AP3B1: variants seen among roughly 807,000 people sequenced by gnomAD.
AP3B1 encodes the protein AP-3 complex subunit beta-1.
A neutral mutation model predicts 132.5 loss-of-function variants in AP3B1; 61 were observed. The observed-to-expected ratio is 0.46, with a 90% CI of 0.37 to 0.57. The LOEUF is 0.57. Among genes scored for constraint, AP3B1 ranks in the 20% least tolerant of loss-of-function variants. The pLI, the probability that AP3B1 is intolerant of heterozygous loss-of-function variation, is 0.00. For missense variants in AP3B1, 1,120 were observed against 1,289.4 expected (o/e 0.87, Z 2.01); for synonymous variants, 388 against 438.3 (o/e 0.89, Z 1.43).
At chr5:78,228,012 C>G in intron 4 of AP3B1, 132 bp downstream of exon 4, 1 of 580,812 alleles carries the variant, frequency 1.7e-6, no homozygotes, top group Non-Finnish European at 2.9e-6. Flanking sequence ...TGAGTAGGCA[C>G]TATAGGAGGC....
At chr5:78,184,219 C>T (rs1253500559) in intron 7 of AP3B1, among the ~76,000 whole-genome samples, 1 of 151,078 alleles carries the variant, frequency 6.6e-6, no homozygotes, top group Non-Finnish European at 1.5e-5. Context: ...GATATAAAGA[C>T]CAAATAAAAA....
chr5:78,287,138 T>C (rs1446786862), intron 1 of AP3B1, among the ~76,000 whole-genome samples: 2 of 152,240 alleles, frequency 1.3e-5, no homozygotes, highest in Admixed American at 6.5e-5. Flanking sequence ...CTTTAATCAT[T>C]CAGCTCTGGT....
intron 7 of AP3B1, among the ~76,000 whole-genome samples, chr5:78,188,978 C>T (rs942334206): frequency 1.3e-5 from 2 of 152,058 alleles, no homozygotes; most frequent in African/African-American, 4.8e-5. Context: ...AATGCAGGAA[C>T]AAAAAACCAA....
intron 21 of AP3B1, among the ~76,000 whole-genome samples, chr5:78,098,353 G>A (rs180993307): frequency 2.9e-4 from 43 of 150,866 alleles, no homozygotes; most frequent in Non-Finnish European, 4.0e-4. Context: ...CTTTTTTATA[G>A]AATGGAACTA....
At chr5:78,270,385 T>C (rs935186161) in intron 1 of AP3B1, among the ~76,000 whole-genome samples, 1 of 152,192 alleles carries the variant, frequency 6.6e-6, no homozygotes, top group African/African-American at 2.4e-5. Flanking sequence ...TTATATACCA[T>C]AGAAAGCAAC....
At chr5:78,102,384 A>C (rs1751168536) in intron 20 of AP3B1, among the ~76,000 whole-genome samples, 1 of 152,132 alleles carries the variant, frequency 6.6e-6, no homozygotes, top group Non-Finnish European at 1.5e-5. Flanking sequence ...AAAGGCACTA[A>C]TTTTATTCTT....
chr5:78,173,974 C>T (rs1248519149), intron 11 of AP3B1, among the ~76,000 whole-genome samples: 1 of 152,136 alleles, frequency 6.6e-6, no homozygotes, highest in African/African-American at 2.4e-5. Context: ...TTGATCGAAT[C>T]GGCTATTGAA....
Position 78,101,695 on chromosome 5 carries a change from C to A in AP3B1, c.2398-670G>T, listed in dbSNP as rs79538701. On this transcript the variant is annotated intron_variant, in intron 20 of 26. Coordinates refer to ENST00000255194, the MANE Select transcript of AP3B1 (RefSeq NM_003664.5). The stretch of plus-strand genomic sequence containing the variant: ...CCCAGCAGAGATTTGCTTATTCGGT[C>A]TACTGTACTTACAAAATGTATATAT... 1.8e-3 allele frequency among the ~76,000 whole-genome samples: 272 copies of A among 152,148 alleles called. 1 individual carries two copies. Among genetic ancestry groups the A allele is most frequent in the African/African-American group, 6.3e-3 (261 of 41,552 alleles).
intron 2 of AP3B1, among the ~76,000 whole-genome samples, chr5:78,260,052 G>T (rs1334611289): frequency 6.6e-6 from 1 of 151,932 alleles, no homozygotes; most frequent in Non-Finnish European, 1.5e-5. Flanking sequence ...CAATCTCATT[G>T]TCATCACATC....
intron 7 of AP3B1, among the ~76,000 whole-genome samples, chr5:78,186,268 T>A (rs543253204): frequency 3.3e-5 from 5 of 152,138 alleles, no homozygotes; most frequent in Admixed American, 3.3e-4. Flanking sequence ...TAAAGTACAC[T>A]TCAGAGCAAA....
At chr5:78,154,251 T>G (rs1414363146) in intron 14 of AP3B1, among the ~76,000 whole-genome samples, 3 of 152,194 alleles carry the variant, frequency 2.0e-5, no homozygotes, top group Admixed American at 2.0e-4. Context: ...AAAGTTGTTT[T>G]CTTTTGGCAC....
At position 78,015,396 on chromosome 5, in the gene AP3B1, G is replaced by A. The variant is rs1196854972; in HGVS notation, c.3131+14C>T. 2 of 1,613,318 alleles carry A rather than the reference G, an allele frequency of 1.2e-6. No homozygotes were observed. The highest frequency in any genetic ancestry group is 1.7e-4 in the Middle Eastern group (1 of 6,054). ...AGTCATCTTCACCTCCACATCGTGT[G>A]TTAGTGAACCTACCTGTGTATATTA... On this transcript the variant is annotated intron_variant, in intron 26 of 26. Coordinates refer to ENST00000255194, the MANE Select transcript of AP3B1 (RefSeq NM_003664.5).
At chr5:78,214,835 T>C (rs572707339) in intron 7 of AP3B1, among the ~76,000 whole-genome samples, 1 of 152,284 alleles carries the variant, frequency 6.6e-6, no homozygotes, top group East Asian at 1.9e-4. Context: ...ATTTCATCAA[T>C]TTAAGAGCAT....
intron 24 of AP3B1, among the ~76,000 whole-genome samples, chr5:78,025,816 T>C (rs976890172): frequency 2.6e-5 from 4 of 152,218 alleles, no homozygotes; most frequent in Non-Finnish European, 4.4e-5. Context: ...GTCATGCCAC[T>C]GCAGTTGGGT....
At chr5:78,111,724 C>G (rs534093472) in intron 19 of AP3B1, among the ~76,000 whole-genome samples, 160 of 152,230 alleles carry the variant, frequency 1.1e-3, no homozygotes, top group African/African-American at 3.7e-3. Flanking sequence ...AACTAAAGGT[C>G]TAGTTCTCTC....
intron 1 of AP3B1, among the ~76,000 whole-genome samples, chr5:78,275,898 T>C (rs1268088501): frequency 6.6e-6 from 1 of 152,096 alleles, no homozygotes; most frequent in East Asian, 1.9e-4. Flanking sequence ...GAACAATATA[T>C]CCAACAACTG....
intron 9 of AP3B1, among the ~76,000 whole-genome samples, chr5:78,176,236 A>G (rs984259766): frequency 6.6e-6 from 1 of 152,136 alleles, no homozygotes; most frequent in African/African-American, 2.4e-5. Flanking sequence ...AAAAGTAGTC[A>G]TGTTATTTTT....
chr5:78,162,975 T>G, intron 12 of AP3B1, 24 bp from the exon 13 acceptor site: 2 of 1,608,632 alleles, frequency 1.2e-6, no homozygotes, highest in South Asian at 2.2e-5. Flanking sequence ...TTTCAATTAG[T>G]TTACACACTG....
At chr5:78,012,074 T>C (rs1746646377) in intron 26 of AP3B1, among the ~76,000 whole-genome samples, 2 of 151,972 alleles carry the variant, frequency 1.3e-5, no homozygotes, top group Non-Finnish European at 2.9e-5. Flanking sequence ...GGTCCTACTC[T>C]TTATAAACTC....
Sources: gnomAD v4.1 joint callset for allele counts (sites outside exome capture counted in the v4.1 genomes callset) on GRCh38, gnomAD v4.1.1 for gene constraint, MANE v1.5 for transcripts, NCBI Gene and HGNC (gene_info 2026-07-23, HGNC 2026-07-21) for gene names.